GRIP1: variants seen among roughly 807,000 people sequenced by gnomAD.
GRIP1 encodes the protein glutamate receptor-interacting protein 1.
In GRIP1, 45 loss-of-function variants were observed where a neutral mutation model predicts 129.9. That is an observed-to-expected ratio of 0.35 (90% confidence interval 0.27 to 0.44). The LOEUF is 0.44. GRIP1 is among the 20% of genes least tolerant of loss of function. GRIP1 has a pLI of 1.00. For missense variants in GRIP1, 1,196 were observed against 1,396.8 expected (o/e 0.86, Z 2.29); for synonymous variants, 530 against 520.8 (o/e 1.02, Z -0.24).
chr12:66,785,339 C>CATATAT (rs1242812457), intron 1 of GRIP1, among the ~76,000 whole-genome samples: 132 of 36,448 alleles, frequency 3.6e-3, no homozygotes, highest in East Asian at 6.7e-3. Flanking sequence ...TACATACATA[C>CATATAT]ATACATATAT....
intron 2 of GRIP1, among the ~76,000 whole-genome samples, chr12:66,590,769 C>T (rs922600856): frequency 2.6e-5 from 4 of 152,168 alleles, no homozygotes; most frequent in African/African-American, 9.7e-5. Flanking sequence ...TCTGGCTGAC[C>T]TATATTCCAT....
chr12:66,584,780 G>A (rs973168947), intron 2 of GRIP1, among the ~76,000 whole-genome samples: 1 of 152,098 alleles, frequency 6.6e-6, no homozygotes, highest in Admixed American at 6.5e-5. Flanking sequence ...TACTCTGACA[G>A]TGTCCTAGGT....
rs187820479 is a variant in GRIP1 at position 66,948,894 on chromosome 12, T to C, written c.58+120156A>G. Reference sequence around the variant, plus strand: ...GTTGTATGTCTAACAAATTGTAGAGTTTTATTTTACGCCTACTTTCACTCT... The same window carrying C: ...GTTGTATGTCTAACAAATTGTAGAGCTTTATTTTACGCCTACTTTCACTCT... On this transcript the variant is annotated intron_variant, in intron 1 of 1. Coordinates refer to the GRIP1 transcript ENST00000643019. 2.2e-3 allele frequency among the ~76,000 whole-genome samples: 332 copies of C among 152,240 alleles called. 1 individual carries two copies. The highest frequency in any genetic ancestry group is 5.0e-3 in the Admixed American group (76 of 15,286).
At chr12:66,443,166 A>G (rs1335965594) in intron 13 of GRIP1, among the ~76,000 whole-genome samples, 1 of 152,206 alleles carries the variant, frequency 6.6e-6, no homozygotes, top group Non-Finnish European at 1.5e-5. Context: ...CTCTGCCTGT[A>G]ACCAAACTTT....
chr12:66,679,202 C>T (rs576597546), upstream of GRIP1: 12 of 1,191,010 alleles, frequency 1.0e-5, no homozygotes, highest in East Asian at 4.4e-4. Context: ...TTGTACAAAG[C>T]AGGGACGACA....
chr12:66,887,500 T>C (rs974435338), intron 1 of GRIP1, among the ~76,000 whole-genome samples: 2 of 152,194 alleles, frequency 1.3e-5, no homozygotes, highest in African/African-American at 4.8e-5. Context: ...AGTACTGTTA[T>C]CATTTCTAGT....
chr12:66,426,437 T>C (rs907586086), intron 14 of GRIP1, among the ~76,000 whole-genome samples: 11 of 152,124 alleles, frequency 7.2e-5, no homozygotes, highest in Non-Finnish European at 1.0e-4. Flanking sequence ...CCCACTTTTT[T>C]CCCCCTCTGA....
intron 19 of GRIP1, among the ~76,000 whole-genome samples, chr12:66,380,156 C>T (rs1482596552): frequency 2.0e-5 from 3 of 152,038 alleles, no homozygotes; most frequent in East Asian, 3.9e-4. Flanking sequence ...GTGATCCACC[C>T]ACCTCGGCCT....
At chr12:66,913,430 A>G (rs1180285781) in intron 1 of GRIP1, among the ~76,000 whole-genome samples, 1 of 152,264 alleles carries the variant, frequency 6.6e-6, no homozygotes, top group East Asian at 1.9e-4. Context: ...AAACAAAACA[A>G]CAACAAAAAA....
At chr12:66,836,073 G>A (rs903279357) in intron 1 of GRIP1, among the ~76,000 whole-genome samples, 3 of 152,072 alleles carry the variant, frequency 2.0e-5, no homozygotes, top group African/African-American at 7.2e-5. Context: ...GCTCTTTTAT[G>A]TCATTCTACG....
chr12:66,432,746 T>C, intron 13 of GRIP1, 118 bp from the exon 14 acceptor site: 1 of 546,858 alleles, frequency 1.8e-6, no homozygotes, highest in East Asian at 3.0e-5. Context: ...CTGTAGGAAC[T>C]GAAGTAAGAT....
At chr12:66,391,746 G>C (rs1399340247) in intron 19 of GRIP1, among the ~76,000 whole-genome samples, 1 of 152,154 alleles carries the variant, frequency 6.6e-6, no homozygotes, top group East Asian at 1.9e-4. Flanking sequence ...AGCTACTGAG[G>C]AGACTGAGGC....
Position 66,873,876 on chromosome 12 carries a change from G to T in GRIP1, c.58+195174C>A, listed in dbSNP as rs532656291. On this transcript the variant is annotated intron_variant, in intron 1 of 1. Coordinates refer to the GRIP1 transcript ENST00000643019. ...TGGCATAATTTTGATCTTTCCCACT[G>T]AGCAGATCGTTGCAGCTGAGTTTTC... 3.9e-5 allele frequency among the ~76,000 whole-genome samples: 6 copies of T among 152,152 alleles called. No individual in the cohort carries two copies. In the East Asian group the frequency reaches 1.2e-3, roughly 29 times the overall value.
intron 11 of GRIP1, among the ~76,000 whole-genome samples, chr12:66,454,405 A>G (rs1224931566): frequency 1.3e-5 from 2 of 152,222 alleles, no homozygotes; most frequent in East Asian, 3.8e-4. Context: ...CTCTGTTTAA[A>G]TCATAATCAT....
chr12:66,598,764 G>A (rs2064157553), intron 1 of GRIP1, among the ~76,000 whole-genome samples: 1 of 152,164 alleles, frequency 6.6e-6, no homozygotes. Context: ...AGAGCACTGA[G>A]CCAGAAAATA....
intron 1 of GRIP1, among the ~76,000 whole-genome samples, chr12:66,895,619 C>A (rs895145377): frequency 6.6e-5 from 10 of 152,096 alleles, no homozygotes; most frequent in African/African-American, 2.4e-4. Flanking sequence ...CTCTACTGGG[C>A]ACCATTAACA....
intron 1 of GRIP1, among the ~76,000 whole-genome samples, chr12:66,844,460 A>G (rs1381616347): frequency 6.6e-6 from 1 of 152,168 alleles, no homozygotes; most frequent in African/African-American, 2.4e-5. Flanking sequence ...ACAGAAAATA[A>G]CAAGTGTTGC....
chr12:66,379,281 C>A lies in GRIP1; in HGVS notation c.2620G>T (p.Gly874Cys). 6.2e-7 allele frequency: 1 copy of A among 1,613,722 alleles called. No individual in the cohort carries two copies. The highest frequency in any genetic ancestry group is 8.5e-7 in the Non-Finnish European group (1 of 1,179,818). The change falls in exon 20 of 25, where the codon GGT becomes TGT. Residue 874 changes from glycine to cysteine, a missense_variant and splice_region_variant. Gly to Cys is a radical substitution (Grantham distance 159). Coordinates refer to ENST00000359742, the MANE Select transcript of GRIP1 (RefSeq NM_001366722.1). ...GGCAGCATTGGTTGAAAACCTTACC[C>A]ACTGGCTGTGGACCGGTCCCAGTCT... ...YEDWDRSTAS[G>C]FAGAADSAET...
intron 7 of GRIP1, among the ~76,000 whole-genome samples, chr12:66,485,023 C>CA: frequency 6.6e-6 from 1 of 152,234 alleles, no homozygotes; most frequent in Middle Eastern, 3.4e-3. Context: ...AATGGGTATG[C>CA]ATTTCTGTAG....
Sources: gnomAD v4.1 joint callset for allele counts (sites outside exome capture counted in the v4.1 genomes callset) on GRCh38, gnomAD v4.1.1 for gene constraint, MANE v1.5 for transcripts, NCBI Gene and HGNC (gene_info 2026-07-23, HGNC 2026-07-21) for gene names.